Variants in FBXL7 observed in about 807,000 individuals in gnomAD.
The protein encoded by FBXL7 is F-box and leucine rich repeat protein 7, also known as F-box/LRR-repeat protein 7.
A neutral mutation model predicts 38.3 loss-of-function variants in FBXL7; 12 were observed. The ratio of observed to expected loss-of-function variants is 0.31; its 90% CI spans 0.20 to 0.51. The LOEUF (loss-of-function observed/expected upper bound fraction) is 0.51. FBXL7 is among the 20% of genes least tolerant of loss of function. FBXL7 has a pLI of 0.98. For missense variants in FBXL7, 567 were observed against 676.4 expected (o/e 0.84, Z 1.79); for synonymous variants, 297 against 300.9 (o/e 0.99, Z 0.13).
chr5:15,629,558 C>T (rs899959808), intron 2 of FBXL7, among the ~76,000 whole-genome samples: 2 of 152,054 alleles, frequency 1.3e-5, no homozygotes, highest in Admixed American at 1.3e-4. Flanking sequence ...GCAAATATGC[C>T]CAGACATGCA....
In FBXL7 at chr5:15,884,309, C is replaced by T. The variant is rs142229481; in HGVS notation, c.128-43581C>T. On this transcript the variant is annotated intron_variant, in intron 2 of 3. Transcript: ENST00000504595. The stretch of plus-strand genomic sequence containing the variant: ...TGAGATGGAGTCTCGCTCTGTCTCC[C>T]AGGCTGGAGTGCAGTGGTGCGATCT... 6.6e-3 allele frequency among the ~76,000 whole-genome samples: 1,009 copies of T among 151,988 alleles called. 9 individuals carry two copies. Among genetic ancestry groups the T allele is most frequent in the African/African-American group, 0.022 (928 of 41,438 alleles).
intron 2 of FBXL7, among the ~76,000 whole-genome samples, chr5:15,872,544 G>A (rs1740012106): frequency 6.6e-6 from 1 of 152,182 alleles, no homozygotes; most frequent in African/African-American, 2.4e-5. Context: ...CCCATCTCAT[G>A]TGCAAAGACA....
rs1742291313 is a variant in FBXL7 at position 15,939,716 on chromosome 5, A to G, written c.*2530A>G. The G allele has an allele frequency of 1.3e-5, 2 of 152,718 alleles. No homozygotes were observed. The highest frequency in any genetic ancestry group is 4.8e-5 in the African/African-American group (2 of 41,560). The allele number at this position is 152,718 out of a possible 1,614,324, so 9.5% of individuals were successfully genotyped here. A position where few individuals can be genotyped will look rare whatever the true frequency, so the allele number is the denominator to read the frequency against. On this transcript the variant is annotated 3_prime_UTR_variant, in exon 4 of 4. Coordinates refer to ENST00000504595, the MANE Select transcript of FBXL7 (RefSeq NM_012304.5). Reference sequence around the variant, plus strand: ...TTTGTTGTTGTTGTTTTTTAATTCTAATGTTCAAATCACTGCGTGCTGTAT... The same window carrying G: ...TTTGTTGTTGTTGTTTTTTAATTCTGATGTTCAAATCACTGCGTGCTGTAT...
chr5:15,873,263 G>T (rs1232482227), intron 2 of FBXL7, among the ~76,000 whole-genome samples: 2 of 152,188 alleles, frequency 1.3e-5, no homozygotes, highest in African/African-American at 4.8e-5. Flanking sequence ...AGCTAAAGCA[G>T]TGTTTAGAGG....
intron 2 of FBXL7, among the ~76,000 whole-genome samples, chr5:15,706,438 C>T (rs1227069689): frequency 6.6e-6 from 1 of 152,160 alleles, no homozygotes; most frequent in Non-Finnish European, 1.5e-5. Context: ...GCAGAGCCTG[C>T]AGAACCATGA....
chr5:15,629,653 T>G (rs1740935639), intron 2 of FBXL7, among the ~76,000 whole-genome samples: 1 of 152,170 alleles, frequency 6.6e-6, no homozygotes, highest in Non-Finnish European at 1.5e-5. Context: ...CTGCGATGCC[T>G]CAATGGTATC....
At chr5:15,742,606 C>CTCCCAGG (rs2126676590) in intron 2 of FBXL7, among the ~76,000 whole-genome samples, 1 of 152,284 alleles carries the variant, frequency 6.6e-6, no homozygotes, top group Admixed American at 6.5e-5. Flanking sequence ...TTGTAATTTG[C>CTCCCAGG]ATTGAACATA....
chr5:15,573,810 A>G (rs1738870689), intron 1 of FBXL7, among the ~76,000 whole-genome samples: 1 of 152,210 alleles, frequency 6.6e-6, no homozygotes, highest in Admixed American at 6.5e-5. Flanking sequence ...TTAATAGTTT[A>G]TCACGAGGTC....
At chr5:15,520,442 T>C (rs530768013) in intron 1 of FBXL7, among the ~76,000 whole-genome samples, 12 of 152,322 alleles carry the variant, frequency 7.9e-5, no homozygotes, top group African/African-American at 2.6e-4. Context: ...AGCCCTCAAT[T>C]CAATGGGAAA....
chr5:15,628,639 C>T (rs1234226085), intron 2 of FBXL7, among the ~76,000 whole-genome samples: 2 of 152,188 alleles, frequency 1.3e-5, no homozygotes, highest in East Asian at 1.9e-4. Context: ...AATGTGAATA[C>T]ATTTAAGCAT....
chr5:15,728,835 A>T (rs1735492216), intron 2 of FBXL7, among the ~76,000 whole-genome samples: 1 of 152,152 alleles, frequency 6.6e-6, no homozygotes, highest in Non-Finnish European at 1.5e-5. Context: ...ATGGTTTGTG[A>T]AACGTGGATG....
intron 2 of FBXL7, among the ~76,000 whole-genome samples, chr5:15,699,672 G>C (rs1304578769): frequency 1.3e-5 from 2 of 152,188 alleles, no homozygotes; most frequent in Non-Finnish European, 2.9e-5. Flanking sequence ...GTCAGAAACT[G>C]ATCCATCCAG....
intron 2 of FBXL7, among the ~76,000 whole-genome samples, chr5:15,623,239 A>G (rs1299743533): frequency 6.6e-6 from 1 of 152,184 alleles, no homozygotes; most frequent in Non-Finnish European, 1.5e-5. Flanking sequence ...CAGTAGGAGG[A>G]AAGGATCTGC....
At chr5:15,766,086 GAATT>G (rs57047042) in intron 2 of FBXL7, among the ~76,000 whole-genome samples, 110,699 of 151,334 alleles carry the variant, frequency 0.73, 40,845 homozygotes, top group South Asian at 0.85. Context: ...CAGCATCATA[GAATT>G]AATTGCCTGG....
intron 2 of FBXL7, among the ~76,000 whole-genome samples, chr5:15,616,711 GAATT>G (rs1361226661): frequency 1.3e-5 from 2 of 152,276 alleles, no homozygotes; most frequent in South Asian, 4.1e-4. Context: ...TTTGAGTGTG[GAATT>G]AATTGTTTCT....
chr5:15,521,554 T>G (rs1052372334), intron 1 of FBXL7, among the ~76,000 whole-genome samples: 2 of 152,190 alleles, frequency 1.3e-5, no homozygotes, highest in African/African-American at 4.8e-5. Flanking sequence ...CATTGTGTAT[T>G]TGGGCGGTGG....
At chr5:15,573,559 C>A (rs1252119162) in intron 1 of FBXL7, among the ~76,000 whole-genome samples, 7 of 152,150 alleles carry the variant, frequency 4.6e-5, no homozygotes, top group Non-Finnish European at 8.8e-5. Context: ...GGAGGCATCA[C>A]TCAGTTTTAC....
In FBXL7 at chr5:15,937,037, G is replaced by A. The variant is rs372542529; in HGVS notation, c.1327G>A (p.Gly443Ser). 5 of 1,613,974 alleles carry A rather than the reference G, an allele frequency of 3.1e-6. No individual in the cohort carries two copies. The highest frequency in any genetic ancestry group is 3.4e-6 in the Non-Finnish European group (4 of 1,179,896). ...LSLKSCESIT[G>S]QGLQIVAANC... ...CCTCAAGTCCTGCGAGAGCATCACC[G>A]GCCAGGGCTTGCAGATCGTGGCCGC... The change falls in exon 4 of 4, where the codon GGC becomes AGC. Residue 443 changes from glycine (G) to serine (S), a missense_variant. Transcript: ENST00000504595.
At chr5:15,659,235 AAAG>A (rs908255394) in intron 2 of FBXL7, among the ~76,000 whole-genome samples, 19 of 152,326 alleles carry the variant, frequency 1.2e-4, no homozygotes, top group African/African-American at 4.3e-4. Flanking sequence ...GAAAACAACT[AAAG>A]AAGAAAAAAT....
Sources: gnomAD v4.1 joint callset for allele counts (sites outside exome capture counted in the v4.1 genomes callset) on GRCh38, gnomAD v4.1.1 for gene constraint, MANE v1.5 for transcripts, NCBI Gene and HGNC (gene_info 2026-07-23, HGNC 2026-07-21) for gene names.